ZNF765: variants seen among roughly 807,000 people sequenced by gnomAD.
The protein encoded by ZNF765 is zinc finger protein 765.
Under a neutral mutation model 44.7 loss-of-function variants are expected in ZNF765, and 37 were observed. The ratio of observed to expected loss-of-function variants is 0.83; its 90% confidence interval spans 0.64 to 1.09. The LOEUF is 1.09. Among genes scored for constraint, ZNF765 ranks in the 50% least tolerant of loss-of-function variants. The pLI is 0.00. For synonymous variants in ZNF765, 201 were observed against 213.7 expected (o/e 0.94, Z 0.52); for missense variants, 594 against 626.1 (o/e 0.95, Z 0.55).
At chr19:53,399,929 C>T (rs2085706949) in intron 2 of ZNF765, among the ~76,000 whole-genome samples, 1 of 152,138 alleles carries the variant, frequency 6.6e-6, no homozygotes, top group South Asian at 2.1e-4. Context: ...ATTCTCCTGC[C>T]TCAGCCTCCT....
At position 53,398,025 on chromosome 19, in the gene ZNF765, C is replaced by T. The variant is rs1568773373; in HGVS notation, c.10C>T (p.Pro4Ser). The change falls in exon 2 of 4, where the codon CCT becomes TCT. Residue 4 changes from proline to serine, a missense_variant. Physicochemically the swap from Pro to Ser is moderately conservative, Grantham distance 74. Around this residue, in one of 2 missense-constraint regions of ZNF765, gnomAD observed 27 missense variants for 53.6 expected, o/e 0.50. Coordinates refer to ENST00000396408, the MANE Select transcript of ZNF765 (RefSeq NM_001040185.3). Reference sequence around the variant, plus strand: ...AGCAAAGGAGTCAGGGATGGCTCTTCCTCAGGTGAGATGATATTCTTGGTG... The same window carrying T: ...AGCAAAGGAGTCAGGGATGGCTCTTTCTCAGGTGAGATGATATTCTTGGTG... MAL[P>S]QGLLTFRDVA... 1 of 1,613,716 alleles carries T rather than the reference C, an allele frequency of 6.2e-7. No homozygotes were observed. The highest frequency in any genetic ancestry group is 1.1e-5 in the South Asian group (1 of 91,066).
chr19:53,416,270 G>A (rs1336838933), downstream of ZNF765, among the ~76,000 whole-genome samples: 1 of 152,168 alleles, frequency 6.6e-6, no homozygotes, highest in East Asian at 1.9e-4. Context: ...GCCAGGCATG[G>A]TAGCGGGTGC....
chr19:53,421,852 C>A (rs1407576819), intron 3 of ZNF765, among the ~76,000 whole-genome samples: 1 of 152,080 alleles, frequency 6.6e-6, no homozygotes, highest in Non-Finnish European at 1.5e-5. Flanking sequence ...TTTTATGATG[C>A]CCTAGTGTTT....
intron 3 of ZNF765, among the ~76,000 whole-genome samples, chr19:53,421,815 T>A (rs555889112): frequency 6.6e-6 from 1 of 152,106 alleles, no homozygotes; most frequent in Non-Finnish European, 1.5e-5. Flanking sequence ...CGCCCAGCCA[T>A]GATAATTTAA....
Position 53,410,274 on chromosome 19 carries a change from C to T in ZNF765, c.*1147C>T. 1 of 359,710 alleles carries T rather than the reference C, an allele frequency of 2.8e-6. No homozygotes were observed. The highest frequency in any genetic ancestry group is 3.9e-4 in the Middle Eastern group (1 of 2,572). The allele number at this position is 359,710 out of a possible 1,614,324, so 22.3% of individuals were successfully genotyped here. A position where few individuals can be genotyped will look rare whatever the true frequency, so the allele number is the denominator to read the frequency against. On this transcript the variant is annotated 3_prime_UTR_variant, in exon 4 of 4. Coordinates refer to ENST00000396408, the MANE Select transcript of ZNF765 (RefSeq NM_001040185.3). ...AACGTTACAAATGTGAAGCATGTGA[C>T]AAAGTTTACAGTCGCAAATCAAGCC...
In ZNF765 at chr19:53,409,958, A is replaced by G. The variant is rs1318015954; in HGVS notation, c.*831A>G. ...CCAAGTCTTGAGTAATGCTACAACTATTGCAAATCATTGGAGAATCCATAA... is the reference window on the plus strand; with the variant it reads ...CCAAGTCTTGAGTAATGCTACAACTGTTGCAAATCATTGGAGAATCCATAA... On this transcript the variant is annotated 3_prime_UTR_variant, in exon 4 of 4. Transcript: ENST00000396408. The G allele has an allele frequency of 3.5e-6, 2 of 564,768 alleles. No individual in the cohort carries two copies. Among genetic ancestry groups the G allele is most frequent in the South Asian group, 1.5e-5 (1 of 68,548 alleles). 35.0% of individuals were successfully genotyped at this position (564,768 alleles called of 1,614,324 possible). A position where few individuals can be genotyped will look rare whatever the true frequency, so the allele number is the denominator to read the frequency against.
At chr19:53,396,221 G>GA (rs2085668103) in intron 1 of ZNF765, among the ~76,000 whole-genome samples, 4 of 151,812 alleles carry the variant, frequency 2.6e-5, no homozygotes, top group Non-Finnish European at 5.9e-5. Context: ...GGACACCTGG[G>GA]GATCTGGGGT....
chr19:53,414,232 C>CT (rs1238119885), downstream of ZNF765, among the ~76,000 whole-genome samples: 1 of 56,760 alleles, frequency 1.8e-5, no homozygotes, highest in Non-Finnish European at 3.7e-5. Flanking sequence ...CAGAGTGAGA[C>CT]TCCATCTCAA....
rs1467357740 is a variant in ZNF765, at chr19:53,409,325, A to T, written c.*198A>T. On this transcript the variant is annotated 3_prime_UTR_variant, in exon 4 of 4. Coordinates refer to ENST00000396408, the MANE Select transcript of ZNF765 (RefSeq NM_001040185.3). ...GTGGCAAGACCTTGAGTCATACGTC[A>T]TCTTTTGTGTACCATCATAAACTTC... is the stretch of plus-strand genomic sequence containing the variant. 2 of 867,634 alleles carry T rather than the reference A, an allele frequency of 2.3e-6. No homozygotes were observed. The highest frequency in any genetic ancestry group is 3.3e-5 in the African/African-American group (2 of 59,934). The allele number at this position is 867,634 out of a possible 1,614,324, so 53.7% of individuals were successfully genotyped here.
downstream of ZNF765, among the ~76,000 whole-genome samples, chr19:53,413,514 TAATA>T (rs758895892): frequency 6.6e-6 from 1 of 152,020 alleles, no homozygotes. Context: ...CTGGGTTCAG[TAATA>T]AATATGTGAG....
At position 53,407,820 on chromosome 19, in the gene ZNF765, G is replaced by A. The variant is rs560331430; in HGVS notation, c.265G>A (p.Asp89Asn). ...TCACAATGGAGATTTTTGTTTCCAG[G>A]ATATTGATAAAGATATTCATGACAT... Reference protein sequence around the residue: ...SHHNGDFCFQDIDKDIHDIEF... With the variant: ...SHHNGDFCFQNIDKDIHDIEF... The change falls in exon 4 of 4, where the codon GAT becomes AAT. Residue 89 changes from aspartate (D) to asparagine (N), a missense_variant. Transcript: ENST00000396408. 8.1e-5 allele frequency: 131 copies of A among 1,613,342 alleles called. 4 individuals carry two copies. The South Asian group carries it at 1.4e-3, about 17-fold the overall frequency.
chr19:53,413,930 C>CCAAAAA (rs1206293530), downstream of ZNF765, among the ~76,000 whole-genome samples: 1 of 79,790 alleles, frequency 1.3e-5, no homozygotes, highest in Non-Finnish European at 2.2e-5. Context: ...GCTAGAAAGA[C>CCAAAAA]AAAAAAAAAA....
At chr19:53,406,790 G>A (rs117362302) in intron 3 of ZNF765, among the ~76,000 whole-genome samples, 3,315 of 152,178 alleles carry the variant, frequency 0.022, 66 homozygotes, top group East Asian at 0.11. Context: ...TAGTGTGTGC[G>A]TGTAATCCCA....
chr19:53,408,986 G>A lies in ZNF765; in HGVS notation c.1431G>A (p.Arg477=), dbSNP rs535191602. The A allele has an allele frequency of 3.7e-6, 6 of 1,603,016 alleles. No individual in the cohort carries two copies. Among genetic ancestry groups the A allele is most frequent in the Admixed American group, 3.4e-5 (2 of 59,474 alleles). The change falls in exon 4 of 4, where the codon CGG becomes CGA. Residue 477 remains arginine (R), a synonymous_variant. Transcript: ENST00000396408. ...KCNECGKTFS[R]TSSLTYHHRL... is the part of the protein sequence containing the mutation. Reference sequence around the variant, plus strand: ...ATGAGTGTGGCAAGACCTTCAGCCGGACGTCATCCCTTACATACCATCATA... The same window carrying A: ...ATGAGTGTGGCAAGACCTTCAGCCGAACGTCATCCCTTACATACCATCATA...
At chr19:53,421,576 A>G (rs1168762495) in intron 3 of ZNF765, among the ~76,000 whole-genome samples, 1 of 152,070 alleles carries the variant, frequency 6.6e-6, no homozygotes, top group African/African-American at 2.4e-5. Context: ...GTGCAGTGGC[A>G]CGATCCCGGT....
chr19:53,408,030 A>G lies in ZNF765; in HGVS notation c.475A>G (p.Lys159Glu). The G allele has an allele frequency of 6.2e-7, 1 of 1,614,184 alleles. No individual in the cohort carries two copies. Among genetic ancestry groups the G allele is most frequent in the Non-Finnish European group, 8.5e-7 (1 of 1,180,024 alleles). ...PELHIFHTEE[K>E]IDNQVVKSIH... ...ACTGCACATATTTCACACTGAAGAG[A>G]AAATTGATAATCAAGTTGTGAAGTC... The change falls in exon 4 of 4, where the codon AAA becomes GAA. Residue 159 changes from lysine to glutamate, a missense_variant. Coordinates refer to ENST00000396408, the MANE Select transcript of ZNF765 (RefSeq NM_001040185.3).
At chr19:53,422,440 CAGCAAAG>C (rs1373243677) in intron 3 of ZNF765, among the ~76,000 whole-genome samples, 2 of 152,212 alleles carry the variant, frequency 1.3e-5, no homozygotes, top group Admixed American at 6.5e-5. Context: ...CTGTTCTTCA[CAGCAAAG>C]AGCAATTCAT....
intron 3 of ZNF765, among the ~76,000 whole-genome samples, chr19:53,402,402 A>T (rs189699577): frequency 3.3e-5 from 5 of 151,570 alleles, no homozygotes; most frequent in Non-Finnish European, 5.9e-5. Flanking sequence ...GACTACAGGC[A>T]CCCACCAACA....
chr19:53,418,910 GA>G (rs34443506), intron 3 of ZNF765, among the ~76,000 whole-genome samples: 40,165 of 96,244 alleles, frequency 0.42, 7,455 homozygotes, highest in East Asian at 0.55. Flanking sequence ...GTTGTGGGAG[GA>G]AAAAAAAAAA....
Sources: allele counts gnomAD v4.1 joint callset (sites outside exome capture counted in the v4.1 genomes callset), GRCh38; gene constraint gnomAD v4.1.1; regional missense constraint gnomAD v4.1.1; transcripts MANE v1.5; gene names NCBI Gene and HGNC (gene_info 2026-07-23, HGNC 2026-07-21).